TPRG1: variants seen among roughly 807,000 people sequenced by gnomAD.
TPRG1 encodes the protein tumor protein p63-regulated gene 1 protein.
Under a neutral mutation model 29.3 loss-of-function variants are expected in TPRG1, and 29 were observed. That is an observed-to-expected ratio of 0.99 (90% CI 0.74 to 1.35). TPRG1 has a LOEUF of 1.35. Ranked by LOEUF, TPRG1 falls within the 40% of genes most tolerant of loss-of-function variation. The pLI is 0.00. For synonymous variants in TPRG1, 130 were observed against 116.8 expected, an observed-to-expected ratio of 1.11 and a Z score of -0.73; for missense variants, 327 against 335.0, an observed-to-expected ratio of 0.98 and a Z score of 0.19.
At chr3:189,090,295 G>A (rs78285217) in intron 4 of TPRG1, among the ~76,000 whole-genome samples, 2,080 of 152,086 alleles carry the variant, frequency 0.014, 45 homozygotes, top group African/African-American at 0.045. Flanking sequence ...TTTTGGAGAG[G>A]ATGGATAATG....
chr3:189,282,698 A>T lies in TPRG1; in HGVS notation c.480-27688A>T, dbSNP rs111297012. Reference sequence around the variant, plus strand: ...ATACCTTTCCCATCTCTCTGTTTTGATTACTCTGAACAAGGATACACAGCT... The same window carrying T: ...ATACCTTTCCCATCTCTCTGTTTTGTTTACTCTGAACAAGGATACACAGCT... On this transcript the variant is annotated intron_variant, in intron 4 of 5. Coordinates refer to ENST00000345063, the MANE Select transcript of TPRG1 (RefSeq NM_198485.4). Among the ~76,000 whole-genome samples the T allele has an allele frequency of 4.3e-3, 648 of 152,196 alleles. 3 individuals are homozygous for T. The highest frequency in any genetic ancestry group is 0.015 in the African/African-American group (611 of 41,500).
chr3:189,273,525 A>C (rs368769787), intron 4 of TPRG1, among the ~76,000 whole-genome samples: 2 of 152,306 alleles, frequency 1.3e-5, no homozygotes, highest in East Asian at 3.9e-4. Flanking sequence ...CTTGAGTTCT[A>C]ATCCCAGTTT....
intron 4 of TPRG1, among the ~76,000 whole-genome samples, chr3:189,072,733 GC>G (rs1716885072): frequency 6.6e-6 from 1 of 151,810 alleles, no homozygotes; most frequent in Non-Finnish European, 1.5e-5. Context: ...GTTGTTTCTT[GC>G]CTATCGTTCT....
At chr3:189,302,636 A>C (rs1721016089) in intron 4 of TPRG1, among the ~76,000 whole-genome samples, 1 of 152,220 alleles carries the variant, frequency 6.6e-6, no homozygotes, top group African/African-American at 2.4e-5. Context: ...TGGACTCCAA[A>C]TAGGCCATTT....
chr3:189,162,832 A>C (rs1360752804), intron 5 of TPRG1, among the ~76,000 whole-genome samples: 1 of 152,222 alleles, frequency 6.6e-6, no homozygotes, highest in Non-Finnish European at 1.5e-5. Context: ...TTTCAATAAC[A>C]TATAATACCT....
At chr3:189,295,496 C>CA (rs368195264) in intron 4 of TPRG1, among the ~76,000 whole-genome samples, 2,027 of 85,296 alleles carry the variant, frequency 0.024, 95 homozygotes, top group Admixed American at 0.03. Context: ...ACTCAGATTG[C>CA]AAAAAAAAAA....
chr3:189,168,740 C>T (rs773594462), upstream of TPRG1, among the ~76,000 whole-genome samples: 1 of 152,198 alleles, frequency 6.6e-6, no homozygotes, highest in Non-Finnish European at 1.5e-5. Context: ...TTGAACTCCT[C>T]TTTCCCAAAA....
At position 189,238,716 on chromosome 3, in the gene TPRG1, T is replaced by C; in HGVS notation, c.303-17T>C. On this transcript the variant is annotated splice_polypyrimidine_tract_variant and intron_variant, in intron 3 of 5. Transcript: ENST00000345063. ...GGCTGTGTCATCAATTTTTATTTGC[T>C]ATGATGATTCCTATAGGATAGACCA... 6.3e-7 allele frequency: 1 copy of C among 1,577,654 alleles called. No homozygotes were observed. Among genetic ancestry groups the C allele is most frequent in the Non-Finnish European group, 8.6e-7 (1 of 1,157,106 alleles).
At chr3:189,155,965 G>C (rs1726613938) in intron 5 of TPRG1, among the ~76,000 whole-genome samples, 1 of 152,038 alleles carries the variant, frequency 6.6e-6, no homozygotes. Context: ...AATTTGCTGA[G>C]AGAGTAGATG....
intron 1 of TPRG1, among the ~76,000 whole-genome samples, chr3:189,000,057 T>G (rs1356433607): frequency 6.6e-6 from 1 of 152,104 alleles, no homozygotes; most frequent in Non-Finnish European, 1.5e-5. Flanking sequence ...AAATAACACA[T>G]TTACAAATTT....
chr3:189,131,702 G>C (rs1723130630), intron 2 of TPRG1, among the ~76,000 whole-genome samples: 1 of 152,144 alleles, frequency 6.6e-6, no homozygotes, highest in African/African-American at 2.4e-5. Context: ...CTTCAGCACT[G>C]ACCTTTATCC....
chr3:189,219,469 G>A, intron 3 of TPRG1: 1 of 598,236 alleles, frequency 1.7e-6, no homozygotes, highest in Non-Finnish European at 2.4e-6. Context: ...ACAGGATAGT[G>A]TTTATTTCCA....
intron 1 of TPRG1, among the ~76,000 whole-genome samples, chr3:189,105,758 A>T (rs891432410): frequency 5.9e-5 from 9 of 152,154 alleles, no homozygotes; most frequent in Admixed American, 4.6e-4. Context: ...GGTGTCAAAA[A>T]TGTCCTTCCG....
At chr3:189,076,936 AT>A (rs1330866444) in intron 4 of TPRG1, among the ~76,000 whole-genome samples, 1 of 151,238 alleles carries the variant, frequency 6.6e-6, no homozygotes, top group East Asian at 1.9e-4. Context: ...ATATATATAT[AT>A]ATATAGCCAA....
intron 4 of TPRG1, among the ~76,000 whole-genome samples, chr3:189,249,197 A>C (rs1393039208): frequency 6.6e-6 from 1 of 151,704 alleles, no homozygotes; most frequent in Non-Finnish European, 1.5e-5. Context: ...TTTGTCATAG[A>C]TTGAGATAGG....
intron 4 of TPRG1, among the ~76,000 whole-genome samples, chr3:189,046,433 G>A (rs976918504): frequency 1.3e-5 from 2 of 152,178 alleles, no homozygotes; most frequent in African/African-American, 2.4e-5. Flanking sequence ...CAGAGCTAAC[G>A]GCTATTTCTT....
intron 4 of TPRG1, among the ~76,000 whole-genome samples, chr3:189,076,185 C>T (rs1259295319): frequency 6.6e-6 from 1 of 152,022 alleles, no homozygotes; most frequent in African/African-American, 2.4e-5. Context: ...TTTTGTTTGT[C>T]CATTAAGCAT....
chr3:189,286,526 C>G (rs935160616), intron 4 of TPRG1, among the ~76,000 whole-genome samples: 1 of 152,008 alleles, frequency 6.6e-6, no homozygotes, highest in Non-Finnish European at 1.5e-5. Flanking sequence ...ACTTCCAGGA[C>G]ATAGGGGCAG....
chr3:189,235,772 T>C (rs1334424601), intron 3 of TPRG1, among the ~76,000 whole-genome samples: 1 of 152,152 alleles, frequency 6.6e-6, no homozygotes, highest in Non-Finnish European at 1.5e-5. Context: ...GGTGTCTCAG[T>C]ACCTGTGTCG....
Sources: gnomAD v4.1 joint callset for allele counts (sites outside exome capture counted in the v4.1 genomes callset) on GRCh38, gnomAD v4.1.1 for gene constraint, MANE v1.5 for transcripts, NCBI Gene and HGNC (gene_info 2026-07-23, HGNC 2026-07-21) for gene names.